FGF13: variants seen among roughly 807,000 people sequenced by gnomAD.
FGF13 encodes the protein fibroblast growth factor 13.
A neutral mutation model predicts 19.5 loss-of-function variants in FGF13; 2 were observed. The ratio of observed to expected loss-of-function variants is 0.10; its 90% CI spans 0.04 to 0.32. FGF13 has a LOEUF of 0.32. FGF13 is among the 10% of genes least tolerant of loss of function. FGF13 has a pLI of 1.00. For missense variants in FGF13, 113 were observed against 192.7 expected (o/e 0.59, Z 2.45); for synonymous variants, 72 against 76.9 (o/e 0.94, Z 0.33).
chrX:139,111,674 AG>A (rs1010056398), intron 1 of FGF13, among the ~76,000 whole-genome samples: 2 of 111,886 alleles, frequency 1.8e-5, no homozygotes, highest in Non-Finnish European at 3.8e-5. Flanking sequence ...ATCTATTTCT[AG>A]AAAAAACACA....
At chrX:139,014,344 A>T (rs2092144031) in intron 1 of FGF13, among the ~76,000 whole-genome samples, 1 of 111,589 alleles carries the variant, frequency 9.0e-6, no homozygotes, top group Admixed American at 9.5e-5. Flanking sequence ...AAGACAGACA[A>T]AACTGACAAA....
chrX:138,855,962 CTG>C (rs35763167), downstream of FGF13, among the ~76,000 whole-genome samples: 3,744 of 101,042 alleles, frequency 0.037, 114 homozygotes, highest in African/African-American at 0.096. Flanking sequence ...AGTACAAAAA[CTG>C]TGTGTGTGTG....
intron 3 of FGF13, among the ~76,000 whole-genome samples, chrX:138,803,470 T>C (rs1236766362): frequency 8.9e-6 from 1 of 112,074 alleles, no homozygotes; most frequent in Non-Finnish European, 1.9e-5. Flanking sequence ...CATTCCATGG[T>C]ATTCATTTCT....
intron 1 of FGF13, among the ~76,000 whole-genome samples, chrX:139,078,503 T>A (rs751692498): frequency 6.0e-4 from 67 of 112,593 alleles, no homozygotes; most frequent in Non-Finnish European, 1.0e-3. Flanking sequence ...CTGAATTTGT[T>A]AAGACTTTGA....
chrX:139,055,612 T>C (rs1080166), intron 1 of FGF13, among the ~76,000 whole-genome samples: 18,250 of 111,946 alleles, frequency 0.16, 1,314 homozygotes, highest in African/African-American at 0.28. Flanking sequence ...AAGGCATGAA[T>C]AAGATGATTT....
At chrX:138,781,926 C>T (rs1188431254) in intron 3 of FGF13, among the ~76,000 whole-genome samples, 58 of 111,795 alleles carry the variant, frequency 5.2e-4, no homozygotes, top group African/African-American at 1.8e-3. Context: ...ACTGGCAAAA[C>T]GAATCCAGCA....
chrX:138,645,479 G>A (rs1473737093), intron 3 of FGF13, among the ~76,000 whole-genome samples: 3 of 111,874 alleles, frequency 2.7e-5, no homozygotes, highest in Non-Finnish European at 5.6e-5. Context: ...TCTGACTGTA[G>A]GCAATTCGTG....
At chrX:138,704,946 T>C (rs2089980388) in intron 2 of FGF13, among the ~76,000 whole-genome samples, 2 of 112,489 alleles carry the variant, frequency 1.8e-5, no homozygotes, top group South Asian at 7.4e-4. Context: ...CAGCAGGTGT[T>C]CAACACCCAT....
intron 1 of FGF13, among the ~76,000 whole-genome samples, chrX:139,048,563 GT>G (rs754951194): frequency 0.071 from 6,280 of 88,609 alleles, 380 homozygotes; most frequent in African/African-American, 0.18. Flanking sequence ...TACAGCTCTT[GT>G]TTTTTTTTTT....
At chrX:139,166,063 T>C (rs534461541) in intron 1 of FGF13, among the ~76,000 whole-genome samples, 1 of 111,649 alleles carries the variant, frequency 9.0e-6, no homozygotes, top group South Asian at 3.8e-4. Flanking sequence ...GGAGGACTGT[T>C]GGAAGGGCAT....
At chrX:139,009,465 C>G (rs2092118999) in intron 1 of FGF13, among the ~76,000 whole-genome samples, 2 of 111,667 alleles carry the variant, frequency 1.8e-5, no homozygotes, top group African/African-American at 6.5e-5. Flanking sequence ...CAGCAGAAAC[C>G]CTACAAGCTC....
At chrX:139,189,812 T>C (rs1226537879) in intron 1 of FGF13, among the ~76,000 whole-genome samples, 3 of 111,763 alleles carry the variant, frequency 2.7e-5, no homozygotes, top group African/African-American at 9.8e-5. Context: ...TCTGTACACA[T>C]AAAAATGGTT....
chrX:138,682,686 T>C (rs1038024776), intron 3 of FGF13, among the ~76,000 whole-genome samples: 1 of 112,022 alleles, frequency 8.9e-6, no homozygotes, highest in African/African-American at 3.2e-5. Context: ...TCTCTGGGCA[T>C]AGCAGAATAG....
chrX:138,837,133 C>A (rs138429905), intron 3 of FGF13, among the ~76,000 whole-genome samples: 2,548 of 112,103 alleles, frequency 0.023, 79 homozygotes, highest in African/African-American at 0.08. Context: ...GGTGGTCTTG[C>A]CCAGTTAGGA....
intron 3 of FGF13, among the ~76,000 whole-genome samples, chrX:138,673,780 T>C (rs1162031606): frequency 9.0e-6 from 1 of 110,665 alleles, no homozygotes; most frequent in African/African-American, 3.3e-5. Flanking sequence ...ACTGAGAAAT[T>C]TGAGTATGAA....
chrX:138,978,298 T>C (rs750363223), intron 1 of FGF13, among the ~76,000 whole-genome samples: 114 of 93,842 alleles, frequency 1.2e-3, no homozygotes, highest in African/African-American at 4.6e-3. Context: ...AGTCTCGCTC[T>C]GTCGCCCAGG....
chrX:138,696,351 A>C (rs1412904434), intron 3 of FGF13, among the ~76,000 whole-genome samples: 1 of 112,205 alleles, frequency 8.9e-6, no homozygotes, highest in Non-Finnish European at 1.9e-5. Flanking sequence ...AGGTGTGTCT[A>C]CTAATTGGTA....
intron 3 of FGF13, among the ~76,000 whole-genome samples, chrX:138,686,639 T>C (rs757411332): frequency 5.3e-4 from 59 of 111,943 alleles, no homozygotes; most frequent in Admixed American, 4.2e-3. Context: ...GACACTGATG[T>C]CTTGGTAGAA....
chrX:138,908,551 G>A (rs1159091683), intron 1 of FGF13, among the ~76,000 whole-genome samples: 1 of 110,481 alleles, frequency 9.1e-6, no homozygotes, highest in African/African-American at 3.3e-5. Flanking sequence ...TGTAAAAGGA[G>A]AGGCAGGGAT....
Sources: gnomAD v4.1 joint callset for allele counts (sites outside exome capture counted in the v4.1 genomes callset) on GRCh38, gnomAD v4.1.1 for gene constraint, MANE v1.5 for transcripts, NCBI Gene and HGNC (gene_info 2026-07-23, HGNC 2026-07-21) for gene names.